Variants in USP54 observed in about 807,000 individuals in gnomAD.
USP54 encodes the protein ubiquitin carboxyl-terminal hydrolase 54.
In USP54, 87 loss-of-function variants were observed where a neutral mutation model predicts 170.5. That is an observed-to-expected ratio of 0.51 (90% CI 0.43 to 0.61). The LOEUF is 0.61. Among genes scored for constraint, USP54 ranks in the 20% least tolerant of loss-of-function variants. The probability of loss-of-function intolerance (pLI) is 0.00; values close to 1 mark genes in which losing one functional copy is unlikely to be tolerated. For synonymous variants in USP54, 655 were observed against 742.8 expected, an observed-to-expected ratio of 0.88 and a Z score of 1.92; for missense variants, 1,786 against 2,047.8, an observed-to-expected ratio of 0.87 and a Z score of 2.47.
intron 4 of USP54, 89 bp from the exon 5 acceptor site, chr10:73,545,761 A>G: frequency 6.8e-7 from 1 of 1,471,880 alleles, no homozygotes; most frequent in South Asian, 1.3e-5. Context: ...CATCTCCATG[A>G]TGATAGCTAT....
chr10:73,529,491 T>C (rs1564708934), intron 15 of USP54, 189 bp downstream of exon 15: 1 of 682,944 alleles, frequency 1.5e-6, no homozygotes, highest in Admixed American at 2.3e-5. Context: ...AAATAGAAAG[T>C]TCTCTCTCCT....
chr10:73,602,629 C>G (rs1206905245), intron 1 of USP54, among the ~76,000 whole-genome samples: 1 of 150,866 alleles, frequency 6.6e-6, no homozygotes, highest in African/African-American at 2.4e-5. Context: ...GAGGCCAAGG[C>G]GGGTGGATCA....
chr10:73,554,661 T>G (rs1210234799), intron 4 of USP54, among the ~76,000 whole-genome samples: 1 of 152,238 alleles, frequency 6.6e-6, no homozygotes, highest in Admixed American at 6.5e-5. Flanking sequence ...ACTCCCTTTA[T>G]TTATCATTCA....
Position 73,517,086 on chromosome 10 carries a change from T to G in USP54, c.3340A>C (p.Ser1114Arg). 6.2e-7 allele frequency: 1 copy of G among 1,614,222 alleles called. No individual in the cohort carries two copies. Among genetic ancestry groups the G allele is most frequent in the Non-Finnish European group, 8.5e-7 (1 of 1,180,042 alleles). ...TSLTLKVDRG[S>R]EETYRPEFPS... ...AACTCTGGCCTATAGGTCTCCTCAC[T>G]GCCTCTGTCCACTTTTAAAGTCAAT... The change falls in exon 20 of 24, where the codon AGT becomes CGT. Residue 1114 changes from serine (S) to arginine (R), a missense_variant. Physicochemically the swap from Ser to Arg is moderately radical, Grantham distance 110. Coordinates refer to ENST00000687698, the MANE Select transcript of USP54 (RefSeq NM_001391956.1).
chr10:73,620,347 C>A (rs565773788), intron 1 of USP54, among the ~76,000 whole-genome samples: 2 of 149,506 alleles, frequency 1.3e-5, no homozygotes, highest in East Asian at 3.9e-4. Context: ...AAAGAAAGTT[C>A]TCTAGGCTTT....
At chr10:73,552,720 G>A (rs1385364790) in intron 4 of USP54, among the ~76,000 whole-genome samples, 1 of 152,178 alleles carries the variant, frequency 6.6e-6, no homozygotes, top group Non-Finnish European at 1.5e-5. Flanking sequence ...GAACCCGGGA[G>A]GTGGAGGCTG....
intron 20 of USP54, chr10:73,507,184 G>C (rs2059285203): frequency 6.6e-6 from 1 of 151,674 alleles, no homozygotes; most frequent in African/African-American, 2.4e-5. Flanking sequence ...TGTATAAACA[G>C]AAAATACAGT....
chr10:73,625,874 C>A (rs1394092078), upstream of USP54: 2 of 152,200 alleles, frequency 1.3e-5, no homozygotes, highest in Non-Finnish European at 2.9e-5. Flanking sequence ...CACCCCCTCC[C>A]CAGGCGCTAC....
At chr10:73,577,949 G>A (rs1315042264) in intron 1 of USP54, among the ~76,000 whole-genome samples, 1 of 152,144 alleles carries the variant, frequency 6.6e-6, no homozygotes, top group Non-Finnish European at 1.5e-5. Flanking sequence ...CTCAACTGCT[G>A]CAAAGGAATG....
At chr10:73,502,778 C>G (rs1205691062) in intron 22 of USP54, among the ~76,000 whole-genome samples, 2 of 152,154 alleles carry the variant, frequency 1.3e-5, no homozygotes, top group Non-Finnish European at 2.9e-5. Flanking sequence ...CTCCTCTTCT[C>G]TTTCTGCAAG....
intron 3 of USP54, among the ~76,000 whole-genome samples, 156 bp from the exon 4 acceptor site, chr10:73,571,669 G>C (rs748250311): frequency 1.1e-4 from 17 of 152,110 alleles, no homozygotes; most frequent in Non-Finnish European, 2.5e-4. Context: ...TGTGAAAAAA[G>C]GTGAGGTATC....
intron 9 of USP54, among the ~76,000 whole-genome samples, chr10:73,541,039 CT>C (rs1000438786): frequency 5.3e-5 from 8 of 152,150 alleles, no homozygotes; most frequent in African/African-American, 1.7e-4. Context: ...GTTGAACACC[CT>C]TCCCTACTTT....
At position 73,514,562 on chromosome 10, in the gene USP54, CA is replaced by C. The variant is rs879915884; in HGVS notation, c.4051+1812del. 5.0e-3 allele frequency among the ~76,000 whole-genome samples: 620 copies of C among 125,006 alleles called. 1 individual carries two copies. The highest frequency in any genetic ancestry group is 8.7e-3 in the African/African-American group (294 of 33,682). 82.0% of individuals were successfully genotyped at this position (125,006 alleles called of 152,430 possible). On this transcript the variant is annotated intron_variant, in intron 20 of 23. Coordinates refer to ENST00000687698, the MANE Select transcript of USP54 (RefSeq NM_001391956.1). ...TGGGCAACAGAGCGAGACTCTGTCT[CA>C]AAAAAAAAAAAAAATTATTTGTGTA...
At chr10:73,558,162 G>A (rs781589503) in intron 4 of USP54, among the ~76,000 whole-genome samples, 1 of 152,138 alleles carries the variant, frequency 6.6e-6, no homozygotes, top group Non-Finnish European at 1.5e-5. Flanking sequence ...TTACAGGCAT[G>A]AGCCACCACG....
At chr10:73,577,721 A>C (rs1015476971) in intron 1 of USP54, among the ~76,000 whole-genome samples, 1 of 152,200 alleles carries the variant, frequency 6.6e-6, no homozygotes, top group Non-Finnish European at 1.5e-5. Flanking sequence ...ACAATGACTT[A>C]ATTATATATT....
At chr10:73,502,400 C>T (rs538532693) in intron 22 of USP54, among the ~76,000 whole-genome samples, 2 of 152,188 alleles carry the variant, frequency 1.3e-5, no homozygotes, top group Non-Finnish European at 2.9e-5. Flanking sequence ...GCAAGCTCTG[C>T]CTCCTGGGTT....
intron 4 of USP54, among the ~76,000 whole-genome samples, chr10:73,564,122 C>A (rs1330929962): frequency 6.6e-6 from 1 of 152,172 alleles, no homozygotes; most frequent in Non-Finnish European, 1.5e-5. Context: ...CTGCCTCAGC[C>A]TCCCAAGTAG....
chr10:73,552,370 A>G lies in USP54; in HGVS notation c.241-6698T>C, dbSNP rs570834847. ...GGAGGTTGCAGTGAGCTGAGATCGT[A>G]CCACTGCATTCCAGCCTGGGTGATA... On this transcript the variant is annotated intron_variant, in intron 4 of 23. Transcript: ENST00000687698. Among the ~76,000 whole-genome samples, 265 of 150,834 alleles carry G rather than the reference A, an allele frequency of 1.8e-3. 1 individual carries two copies. Among genetic ancestry groups the G allele is most frequent in the African/African-American group, 5.7e-3 (232 of 40,992 alleles).
intron 1 of USP54, chr10:73,611,610 GTGAAAC>G (rs2080151141): frequency 6.6e-6 from 1 of 150,890 alleles, no homozygotes; most frequent in Non-Finnish European, 1.5e-5. Context: ...GGTCGACATG[GTGAAAC>G]CCCGTCTCTA....
Sources: gnomAD v4.1 joint callset for allele counts (sites outside exome capture counted in the v4.1 genomes callset) on GRCh38, gnomAD v4.1.1 for gene constraint, MANE v1.5 for transcripts, NCBI Gene and HGNC (gene_info 2026-07-23, HGNC 2026-07-21) for gene names.